CCDC190: variants seen among roughly 807,000 people sequenced by gnomAD.
CCDC190 encodes the protein coiled-coil domain containing 190.
In CCDC190, 10 loss-of-function variants were observed where a neutral mutation model predicts 13.1. The observed-to-expected ratio is 0.77, with a 90% confidence interval of 0.47 to 1.30. CCDC190 has a LOEUF of 1.30. Ranked by LOEUF, CCDC190 falls within the 50% of genes most tolerant of loss-of-function variation. The pLI is 0.00. For missense variants in CCDC190, 375 were observed against 354.3 expected (o/e 1.06, Z -0.47); for synonymous variants, 136 against 127.2 (o/e 1.07, Z -0.47).
At position 162,854,314 on chromosome 1, in the gene CCDC190, T is replaced by G. The variant is rs537243668; in HGVS notation, c.*451A>C. 10 of 986,880 alleles carry G rather than the reference T, an allele frequency of 1.0e-5. No individual in the cohort carries two copies. In the African/African-American group the frequency reaches 1.2e-4, roughly 12 times the overall value. 61.1% of individuals were successfully genotyped at this position (986,880 alleles called of 1,614,324 possible). A position where few individuals can be genotyped will look rare whatever the true frequency, so the allele number is the denominator to read the frequency against. ...ACGTGGGTGTGGTTAAAGAGCAGAT[T>G]TTCTTTATAGACCATGTTACAGTAC... On this transcript the variant is annotated 3_prime_UTR_variant, in exon 4 of 4. Transcript: ENST00000367912.
At chr1:162,868,729 T>TGGAGAAACTGAAGGCCTCTTCGTGG (rs369106791) in exon 1 of CCDC190, 1 of 152,442 alleles carries the variant, frequency 6.6e-6, no homozygotes, top group Admixed American at 6.6e-5. Context: ...GGGGGCTCAC[T>TGGAGAAACTGAAGGCCTCTTCGTGG]GCATCTCCTA....
At chr1:162,867,784 G>A (rs1300735584) in intron 1 of CCDC190, among the ~76,000 whole-genome samples, 1 of 152,134 alleles carries the variant, frequency 6.6e-6, no homozygotes, top group Non-Finnish European at 1.5e-5. Flanking sequence ...ATGGGCAAAA[G>A]CATGAATGAA....
chr1:162,858,803 A>G (rs991140863), intron 2 of CCDC190, among the ~76,000 whole-genome samples: 1 of 152,276 alleles, frequency 6.6e-6, no homozygotes, highest in Non-Finnish European at 1.5e-5. Context: ...ACTATTTTCA[A>G]CAAAGACAGT....
rs774270862 is a variant in CCDC190, at chr1:162,855,145, C to G, written c.526G>C (p.Val176Leu). ...KDVDPSKGIS[V>L]PCQNQEVSTN... ...GAAACCTCTTGATTTTGGCATGGAA[C>G]AGAGATGCCCTTGCTGGGGTCTACG... Residue 176 changes from valine (V) to leucine (L), a missense_variant, in exon 4 of 4, where the codon GTT (valine) becomes CTT (leucine). Physicochemically the swap from Val to Leu is conservative, Grantham distance 32. Transcript: ENST00000367912. The G allele has an allele frequency of 6.2e-7, 1 of 1,613,796 alleles. No individual in the cohort carries two copies. Among genetic ancestry groups the G allele is most frequent in the African/African-American group, 1.3e-5 (1 of 74,892 alleles).
In CCDC190 at chr1:162,853,217, T is replaced by C. The variant is rs1344126628; in HGVS notation, c.*1548A>G. On this transcript the variant is annotated 3_prime_UTR_variant, in exon 4 of 4. Transcript: ENST00000367912. Reference sequence around the variant, plus strand: ...TAAGTTTTTGTCTTCAGATAGGTGGTAGTGTGGTGTAATGAAAGAGCATGA... The same window carrying C: ...TAAGTTTTTGTCTTCAGATAGGTGGCAGTGTGGTGTAATGAAAGAGCATGA... 36 of 1,395,840 alleles carry C rather than the reference T, an allele frequency of 2.6e-5. No individual in the cohort carries two copies. The highest frequency in any genetic ancestry group is 3.3e-5 in the Non-Finnish European group (34 of 1,028,916). The allele number at this position is 1,395,840 out of a possible 1,614,324, so 86.5% of individuals were successfully genotyped here.
At chr1:162,861,826 A>C (rs965931225), upstream of CCDC190, among the ~76,000 whole-genome samples, 18 of 152,276 alleles carry the variant, frequency 1.2e-4, no homozygotes, top group Non-Finnish European at 5.9e-5. Context: ...AATAAGACGC[A>C]CTGATATGCC....
At chr1:162,861,621 T>C (rs1650521759), upstream of CCDC190, among the ~76,000 whole-genome samples, 1 of 152,186 alleles carries the variant, frequency 6.6e-6, no homozygotes, top group Admixed American at 6.5e-5. Context: ...TCCCCAGGCC[T>C]TTCCACATGC....
In CCDC190 at chr1:162,853,831, G is replaced by C. The variant is rs1650194076; in HGVS notation, c.*934C>G. 6.6e-6 allele frequency among the ~76,000 whole-genome samples: 1 copy of C among 152,172 alleles called. No homozygotes were observed. Among genetic ancestry groups the C allele is most frequent in the Non-Finnish European group, 1.5e-5 (1 of 68,032 alleles). On this transcript the variant is annotated 3_prime_UTR_variant, in exon 4 of 4. Coordinates refer to ENST00000367912, the MANE Select transcript of CCDC190 (RefSeq NM_001394065.1). Reference sequence around the variant, plus strand: ...CTGATAGAGTCAGTATAGATAAAAAGTGGTGATGATTTTATTCTACACTTC... The same window carrying C: ...CTGATAGAGTCAGTATAGATAAAAACTGGTGATGATTTTATTCTACACTTC...
At chr1:162,868,187 A>G (rs2102267783) in intron 1 of CCDC190, among the ~76,000 whole-genome samples, 1 of 152,340 alleles carries the variant, frequency 6.6e-6, no homozygotes, top group Admixed American at 6.5e-5. Context: ...TATTTGAAGC[A>G]GAAAGAAATG....
Position 162,855,072 on chromosome 1 carries a change from C to T in CCDC190, c.599G>A (p.Ser200Asn). ...GGTCTCATCAGCACATGCCATTCCA[C>T]TATCACTAGCTGGGCTGGAACTAGG... ...QGPSSSPASD[S>N]GMACADETRS... The change falls in exon 4 of 4, where the codon AGT (serine) becomes AAT (asparagine). Residue 200 changes from serine (S) to asparagine (N), a missense_variant. Transcript: ENST00000367912. 6.2e-7 allele frequency: 1 copy of T among 1,614,044 alleles called. No individual in the cohort carries two copies. The highest frequency in any genetic ancestry group is 8.5e-7 in the Non-Finnish European group (1 of 1,179,894).
intron 1 of CCDC190, among the ~76,000 whole-genome samples, chr1:162,867,806 A>G (rs1324417456): frequency 6.6e-6 from 1 of 152,228 alleles, no homozygotes. Flanking sequence ...CTTACAGATA[A>G]CATGCTGGTA....
intron 1 of CCDC190, among the ~76,000 whole-genome samples, chr1:162,867,086 A>C (rs547415835): frequency 3.4e-4 from 52 of 152,122 alleles, no homozygotes; most frequent in Non-Finnish European, 6.5e-4. Context: ...TAAAAGAAAA[A>C]ATTTGATAAA....
At position 162,859,718 on chromosome 1, in the gene CCDC190, G is replaced by A. The variant is rs555969621; in HGVS notation, c.-12-60C>T. On this transcript the variant is annotated intron_variant, in intron 1 of 3. Coordinates refer to ENST00000367912, the MANE Select transcript of CCDC190 (RefSeq NM_001394065.1). ...AATGGAAGACTGGGATACTGACCCC[G>A]GCTTTTAATCAGAGATCAGTGGTAG... 1.7e-5 allele frequency: 24 copies of A among 1,395,010 alleles called. No homozygotes were observed. In the East Asian group the frequency reaches 1.9e-4, roughly 11 times the overall value. The allele number at this position is 1,395,010 out of a possible 1,614,324, so 86.4% of individuals were successfully genotyped here.
At chr1:162,865,236 G>A (rs1373415443), upstream of CCDC190, among the ~76,000 whole-genome samples, 1 of 152,062 alleles carries the variant, frequency 6.6e-6, no homozygotes. Flanking sequence ...CACCTAATAT[G>A]GGAAGCAAAA....
intron 1 of CCDC190, among the ~76,000 whole-genome samples, chr1:162,868,439 T>C (rs1260412644): frequency 6.6e-6 from 1 of 152,182 alleles, no homozygotes; most frequent in Non-Finnish European, 1.5e-5. Context: ...TGTTGTCAAT[T>C]GTGAATTTTA....
chr1:162,860,333 T>C (rs1187331937), intron 1 of CCDC190, among the ~76,000 whole-genome samples: 2 of 152,178 alleles, frequency 1.3e-5, no homozygotes, highest in East Asian at 3.9e-4. Context: ...CTGCTTAGAC[T>C]GGGCGAAAGC....
chr1:162,865,141 G>A (rs991257338), upstream of CCDC190, among the ~76,000 whole-genome samples: 6 of 152,126 alleles, frequency 3.9e-5, no homozygotes, highest in South Asian at 2.1e-4. Context: ...AGTATTCAGA[G>A]CCAATAATAT....
chr1:162,865,091 A>AAAAG (rs1268236004), upstream of CCDC190, among the ~76,000 whole-genome samples: 1 of 152,126 alleles, frequency 6.6e-6, no homozygotes, highest in Non-Finnish European at 1.5e-5. Flanking sequence ...AACACTAAAT[A>AAAAG]AAAGAAATTA....
exon 1 of CCDC190, chr1:162,868,728 C>CTGGAGAAACTGAAGGCCTCTTTG (rs1553191699): frequency 2.4e-4 from 36 of 152,602 alleles, no homozygotes; most frequent in South Asian, 4.1e-4. Context: ...TGGGGGCTCA[C>CTGGAGAAACTGAAGGCCTCTTTG]TGCATCTCCT....
Sources: gnomAD v4.1 joint callset for allele counts (sites outside exome capture counted in the v4.1 genomes callset) on GRCh38, gnomAD v4.1.1 for gene constraint, MANE v1.5 for transcripts, NCBI Gene and HGNC (gene_info 2026-07-23, HGNC 2026-07-21) for gene names.